Variants in DMXL2 observed in about 807,000 individuals in gnomAD.
The protein encoded by DMXL2 is Dmx like 2, also known as dmX-like protein 2.
DMXL2 carries 103 observed loss-of-function variants against 331.1 expected under a neutral mutation model. The ratio of observed to expected loss-of-function variants is 0.31; its 90% CI spans 0.27 to 0.37. The LOEUF (loss-of-function observed/expected upper bound fraction) is 0.37. Ranked by LOEUF, DMXL2 falls within the 10% of genes least tolerant of loss-of-function variation. The pLI, the probability that DMXL2 is intolerant of heterozygous loss-of-function variation, is 1.00. For missense variants in DMXL2, 3,171 were observed against 3,642.9 expected (o/e 0.87, Z 3.33); for synonymous variants, 1,281 against 1,252.1 (o/e 1.02, Z -0.49).
At chr15:51,540,408 T>A (rs1255942520) in intron 9 of DMXL2, among the ~76,000 whole-genome samples, 5 of 152,152 alleles carry the variant, frequency 3.3e-5, no homozygotes, top group African/African-American at 1.2e-4. Flanking sequence ...ATTTAGGTAA[T>A]GGAAAATATT....
At chr15:51,453,693 A>G in intron 40 of DMXL2, 52 bp from the exon 41 acceptor site, 1 of 1,444,972 alleles carries the variant, frequency 6.9e-7, no homozygotes, top group Non-Finnish European at 9.7e-7. Context: ...ATAAAATTTG[A>G]TACAGTACCA....
intron 6 of DMXL2, among the ~76,000 whole-genome samples, chr15:51,552,866 A>G (rs1444068821): frequency 3.9e-5 from 6 of 152,220 alleles, no homozygotes; most frequent in Non-Finnish European, 5.9e-5. Context: ...ATGTTAACTC[A>G]GATGCATCTC....
rs76521270 is a variant in DMXL2, at chr15:51,566,278, T to C, written c.286-1112A>G. On this transcript the variant is annotated intron_variant, in intron 3 of 43. Coordinates refer to ENST00000560891, the MANE Select transcript of DMXL2 (RefSeq NM_001378457.1). The stretch of plus-strand genomic sequence containing the variant: ...GTGTGTGTGTGTGTGTGTGTGTGTG[T>C]GCATCTGCAAACCCTGCACTTCATT... Among the ~76,000 whole-genome samples, 434 of 136,852 alleles carry C rather than the reference T, an allele frequency of 3.2e-3. 19 individuals carry two copies. The East Asian group carries it at 0.071, about 22-fold the overall frequency. 89.8% of individuals were successfully genotyped at this position (136,852 alleles called of 152,430 possible). A position where few individuals can be genotyped will look rare whatever the true frequency, so the allele number is the denominator to read the frequency against.
intron 2 of DMXL2, among the ~76,000 whole-genome samples, chr15:51,574,676 G>A (rs966590068): frequency 6.6e-6 from 1 of 152,112 alleles, no homozygotes; most frequent in African/African-American, 2.4e-5. Context: ...AGGACTGGGG[G>A]ATAAAAGGAC....
intron 1 of DMXL2, among the ~76,000 whole-genome samples, chr15:51,609,016 G>A (rs2053780460): frequency 6.6e-6 from 1 of 152,118 alleles, no homozygotes; most frequent in Non-Finnish European, 1.5e-5. Context: ...AAGCAGGAAG[G>A]GAGTTAAAAA....
At chr15:51,530,933 G>A (rs553671469) in intron 13 of DMXL2, among the ~76,000 whole-genome samples, 1 of 152,228 alleles carries the variant, frequency 6.6e-6, no homozygotes, top group South Asian at 2.1e-4. Context: ...TGGAAGAACT[G>A]ATATTGTTAA....
chr15:51,540,014 A>G (rs2140901607), intron 9 of DMXL2, among the ~76,000 whole-genome samples: 1 of 152,342 alleles, frequency 6.6e-6, no homozygotes. Flanking sequence ...TGGTTTTGTG[A>G]TAAAAATGAA....
Position 51,537,546 on chromosome 15 carries a change from A to G in DMXL2, c.1559T>C (p.Leu520Pro). 6.2e-7 allele frequency: 1 copy of G among 1,613,848 alleles called. No homozygotes were observed. ...FTIHPVDGTFLVWHVKYLDEY... is the reference protein window; with the variant it reads ...FTIHPVDGTFPVWHVKYLDEY... ...ATCCAAATACTTCACATGCCACACT[A>G]GAAAGGTACCATCTACAGGGTGTAT... Residue 520 changes from leucine to proline, a missense_variant, in exon 11 of 44, where the codon CTA becomes CCA. By Grantham distance (98) the Leu-to-Pro change is moderately conservative. Coordinates refer to ENST00000560891, the MANE Select transcript of DMXL2 (RefSeq NM_001378457.1).
chr15:51,476,499 T>A, intron 27 of DMXL2, 90 bp downstream of exon 27: 1 of 1,451,400 alleles, frequency 6.9e-7, no homozygotes, highest in Non-Finnish European at 9.4e-7. Flanking sequence ...ACTCACTAAA[T>A]CCAGCAACAA....
intron 22 of DMXL2, among the ~76,000 whole-genome samples, chr15:51,487,497 G>A (rs1036062091): frequency 1.4e-4 from 21 of 151,570 alleles, no homozygotes; most frequent in African/African-American, 3.9e-4. Flanking sequence ...TCACTCTGTC[G>A]CCCAGGCTGG....
chr15:51,545,987 A>T (rs1258597419), intron 7 of DMXL2, among the ~76,000 whole-genome samples: 1 of 152,212 alleles, frequency 6.6e-6, no homozygotes, highest in Non-Finnish European at 1.5e-5. Flanking sequence ...CAGATTATAC[A>T]TTCAGGCTCT....
At chr15:51,572,224 T>G (rs7174469) in intron 2 of DMXL2, among the ~76,000 whole-genome samples, 28,357 of 98,752 alleles carry the variant, frequency 0.29, 5,240 homozygotes, top group Non-Finnish European at 0.36. Flanking sequence ...ACCCTCCCAA[T>G]ACTAAACCAG....
chr15:51,591,607 A>C (rs971297161), intron 1 of DMXL2, among the ~76,000 whole-genome samples: 1 of 152,228 alleles, frequency 6.6e-6, no homozygotes, highest in Admixed American at 6.5e-5. Flanking sequence ...TCAGCTGGAC[A>C]TCTGAGAACG....
At chr15:51,593,647 T>C (rs143627097) in intron 1 of DMXL2, among the ~76,000 whole-genome samples, 2,810 of 152,218 alleles carry the variant, frequency 0.018, 41 homozygotes, top group Non-Finnish European at 0.026. Context: ...TATTCCAAAA[T>C]TGACCACATA....
chr15:51,510,955 T>C (rs2046720672), intron 15 of DMXL2, among the ~76,000 whole-genome samples: 1 of 152,172 alleles, frequency 6.6e-6, no homozygotes, highest in African/African-American at 2.4e-5. Context: ...GGATTCCCTA[T>C]TTAACAAATG....
chr15:51,460,185 C>T lies in DMXL2; in HGVS notation c.7927-525G>A, dbSNP rs532692566. On this transcript the variant is annotated intron_variant, in intron 33 of 43. Coordinates refer to ENST00000560891, the MANE Select transcript of DMXL2 (RefSeq NM_001378457.1). ...AAGAAATAACTCAGTAATTTGCTCCCGGGTTGATGCAGGGTCCTAAGGATG... is the reference window on the plus strand; with the variant it reads ...AAGAAATAACTCAGTAATTTGCTCCTGGGTTGATGCAGGGTCCTAAGGATG... The T allele has an allele frequency of 1.6e-5, 16 of 986,802 alleles. No individual in the cohort carries two copies. The South Asian group carries it at 4.7e-4, about 29-fold the overall frequency. 61.1% of individuals were successfully genotyped at this position (986,802 alleles called of 1,614,324 possible).
Position 51,622,738 on chromosome 15 carries a change from G to A in DMXL2, c.-193C>T, listed in dbSNP as rs1567198748. On this transcript the variant is annotated 5_prime_UTR_variant, in exon 1 of 44. Coordinates refer to ENST00000560891, the MANE Select transcript of DMXL2 (RefSeq NM_001378457.1). ...CTGCCATGGGAGCTCCTCGACCGCC[G>A]CCGCCGCCCGGGTCGCCGCTCAGCT... The A allele has an allele frequency of 2.7e-6, 3 of 1,094,108 alleles. No individual in the cohort carries two copies. The highest frequency in any genetic ancestry group is 3.7e-6 in the Non-Finnish European group (3 of 800,046). 67.8% of individuals were successfully genotyped at this position (1,094,108 alleles called of 1,614,324 possible). A position where few individuals can be genotyped will look rare whatever the true frequency, so the allele number is the denominator to read the frequency against.
intron 6 of DMXL2, among the ~76,000 whole-genome samples, chr15:51,550,153 T>C (rs188116826): frequency 0.012 from 1,786 of 152,240 alleles, 47 homozygotes; most frequent in Middle Eastern, 0.058. Flanking sequence ...ATACACCATA[T>C]AAACAGAATT....
rs754810182 is a variant in DMXL2, at chr15:51,486,069, C to T, written c.5482+4G>A. 3 of 1,571,568 alleles carry T rather than the reference C, an allele frequency of 1.9e-6. No homozygotes were observed. The Admixed American group carries it at 5.4e-5, about 28-fold the overall frequency. On this transcript the variant is annotated splice_donor_region_variant and intron_variant, in intron 23 of 43. Transcript: ENST00000560891. The stretch of plus-strand genomic sequence containing the variant: ...AAAAAAAAGAAATCCACAAAACGTC[C>T]TACCTTGATGTTCATCATCCTCCTT...
Sources: allele counts gnomAD v4.1 joint callset (sites outside exome capture counted in the v4.1 genomes callset), GRCh38; gene constraint gnomAD v4.1.1; transcripts MANE v1.5; gene names NCBI Gene and HGNC (gene_info 2026-07-23, HGNC 2026-07-21).